The following DCHS2 variants were observed in gnomAD, a reference collection of about 807,000 sequenced individuals.
DCHS2 encodes the protein dachsous cadherin-related 2.
Under a neutral mutation model 182.4 loss-of-function variants are expected in DCHS2, and 142 were observed. That is an observed-to-expected ratio of 0.78 (90% CI 0.68 to 0.89). The LOEUF is 0.89. DCHS2 is among the 40% of genes least tolerant of loss of function. The pLI, the probability that DCHS2 is intolerant of heterozygous loss-of-function variation, is 0.00. For synonymous variants in DCHS2, 1,740 were observed against 1,663.3 expected (o/e 1.05, Z -1.12); for missense variants, 4,319 against 4,198.6 (o/e 1.03, Z -0.79).
At chr4:154,398,243 C>T (rs953803419) in intron 1 of DCHS2, among the ~76,000 whole-genome samples, 3 of 152,176 alleles carry the variant, frequency 2.0e-5, no homozygotes, top group Non-Finnish European at 4.4e-5. Flanking sequence ...TAAATTCTCT[C>T]CATGCCCTTA....
At chr4:154,286,156 A>T (rs1461562545) in intron 13 of DCHS2, among the ~76,000 whole-genome samples, 1 of 151,912 alleles carries the variant, frequency 6.6e-6, no homozygotes, top group African/African-American at 2.4e-5. Context: ...CCTAATGCAG[A>T]TATGACTGCA....
intron 1 of DCHS2, among the ~76,000 whole-genome samples, chr4:154,404,899 G>A (rs1732333484): frequency 1.3e-5 from 2 of 152,162 alleles, no homozygotes; most frequent in Non-Finnish European, 2.9e-5. Flanking sequence ...GCTACATAAT[G>A]TGTTTCCCCT....
At chr4:154,323,138 A>G in intron 7 of DCHS2, 1 of 1,472,014 alleles carries the variant, frequency 6.8e-7, no homozygotes, top group Admixed American at 2.2e-5. Context: ...ATTTTCCATG[A>G]TCTAGATTTG....
intron 3 of DCHS2, among the ~76,000 whole-genome samples, chr4:154,353,692 C>A (rs1203075817): frequency 6.6e-6 from 1 of 152,210 alleles, no homozygotes; most frequent in Non-Finnish European, 1.5e-5. Flanking sequence ...CCTCAGACTT[C>A]TAAGCATTCC....
At chr4:154,403,713 G>C (rs1369918102) in intron 1 of DCHS2, among the ~76,000 whole-genome samples, 3 of 152,152 alleles carry the variant, frequency 2.0e-5, no homozygotes, top group African/African-American at 7.2e-5. Flanking sequence ...TCTGACATTA[G>C]TACCAGTAAA....
At chr4:154,462,793 G>T (rs970910245) in intron 1 of DCHS2, among the ~76,000 whole-genome samples, 4 of 152,062 alleles carry the variant, frequency 2.6e-5, no homozygotes, top group Non-Finnish European at 5.9e-5. Flanking sequence ...AGACATAAAT[G>T]TATAAACCCA....
chr4:154,308,621 A>C (rs1578946501), intron 10 of DCHS2, among the ~76,000 whole-genome samples: 1 of 152,220 alleles, frequency 6.6e-6, no homozygotes, highest in East Asian at 1.9e-4. Flanking sequence ...TAAATCAACG[A>C]GTAATGGAAA....
Position 154,320,646 on chromosome 4 carries a change from G to C in DCHS2, c.4753C>G (p.Leu1585Val), listed in dbSNP as rs539961347. The part of the protein sequence containing the change: ...LDRESIPTVI[L>V]TVTASDQAVN... ...GCCTGATCAGATGCTGTTACTGTCA[G>C]GATGACAGTTGGAATGCTTTCTCTG... The change falls in exon 9 of 20, where the codon CTG becomes GTG. Residue 1585 changes from leucine to valine, a missense_variant. By Grantham distance (32) the Leu-to-Val change is conservative. Coordinates refer to ENST00000357232, the MANE Select transcript of DCHS2 (RefSeq NM_001358235.2). The C allele has an allele frequency of 1.2e-6, 2 of 1,614,148 alleles. No individual in the cohort carries two copies. Among genetic ancestry groups the C allele is most frequent in the South Asian group, 2.2e-5 (2 of 91,074 alleles).
intron 1 of DCHS2, among the ~76,000 whole-genome samples, chr4:154,429,432 G>A (rs1275354882): frequency 6.6e-6 from 1 of 152,046 alleles, no homozygotes; most frequent in Non-Finnish European, 1.5e-5. Context: ...CCTCATTCTT[G>A]GCAGATAGAC....
rs374163830 is a variant in DCHS2, at chr4:154,366,321, C to T, written c.2365G>A (p.Glu789Lys). ...SISDETQPGT[E>K]IINVLATDQD... The stretch of plus-strand genomic sequence containing the variant: ...TCAGTGGCAAGAACATTGATGATCT[C>T]GGTGCCTGGCTGGGTCTCATCACTG... The change falls in exon 3 of 20, where the codon GAG becomes AAG. Residue 789 changes from glutamate to lysine, a missense_variant. Glu to Lys is a moderately conservative substitution (Grantham distance 56). Coordinates refer to ENST00000357232, the MANE Select transcript of DCHS2 (RefSeq NM_001358235.2). 1.1e-5 allele frequency: 18 copies of T among 1,613,706 alleles called. No homozygotes were observed. Among genetic ancestry groups the T allele is most frequent in the South Asian group, 2.2e-5 (2 of 91,062 alleles).
At chr4:154,318,097 GT>G (rs1403368869) in intron 9 of DCHS2, among the ~76,000 whole-genome samples, 1 of 152,012 alleles carries the variant, frequency 6.6e-6, no homozygotes, top group Non-Finnish European at 1.5e-5. Flanking sequence ...GAAGTTTTCT[GT>G]TGTGTATTCA....
In DCHS2 at chr4:154,305,244, A is replaced by G. The variant is rs766246272; in HGVS notation, c.5261-13T>C. Reference sequence around the variant, plus strand: ...TTGGAATTGACTCCTTAAGAAAAATATAAAGAAAAACTTAGCAATCATTTC... The same window carrying G: ...TTGGAATTGACTCCTTAAGAAAAATGTAAAGAAAAACTTAGCAATCATTTC... On this transcript the variant is annotated splice_polypyrimidine_tract_variant and intron_variant, in intron 10 of 19. Transcript: ENST00000357232. The G allele has an allele frequency of 6.3e-7, 1 of 1,597,798 alleles. No individual in the cohort carries two copies. Among genetic ancestry groups the G allele is most frequent in the Non-Finnish European group, 8.5e-7 (1 of 1,174,830 alleles).
At chr4:154,295,926 C>T (rs995266385) in intron 13 of DCHS2, among the ~76,000 whole-genome samples, 1 of 152,194 alleles carries the variant, frequency 6.6e-6, no homozygotes, top group Non-Finnish European at 1.5e-5. Context: ...TTCAAAACAT[C>T]AAGATCTAAT....
chr4:154,413,934 A>T (rs566232307), intron 1 of DCHS2, among the ~76,000 whole-genome samples: 1 of 152,210 alleles, frequency 6.6e-6, no homozygotes, highest in East Asian at 1.9e-4. Context: ...TCTTCTTGAG[A>T]CCCTGGTTAA....
chr4:154,245,370 T>C (rs1241564508), intron 16 of DCHS2, among the ~76,000 whole-genome samples: 1 of 152,108 alleles, frequency 6.6e-6, no homozygotes, highest in Non-Finnish European at 1.5e-5. Flanking sequence ...ATTCAGAGCA[T>C]TTTTTTCCTG....
At chr4:154,352,521 C>G (rs962717284) in intron 3 of DCHS2, 1 of 152,058 alleles carries the variant, frequency 6.6e-6, no homozygotes, top group Non-Finnish European at 1.5e-5. Flanking sequence ...TTCATGGGTC[C>G]CAGGTAATAT....
intron 1 of DCHS2, among the ~76,000 whole-genome samples, chr4:154,408,956 G>T (rs2110887404): frequency 6.6e-6 from 1 of 152,288 alleles, no homozygotes; most frequent in Admixed American, 6.5e-5. Context: ...GGGAGATGAT[G>T]CCTTGGATGC....
At chr4:154,389,901 A>G (rs911642133) in intron 1 of DCHS2, among the ~76,000 whole-genome samples, 2 of 152,062 alleles carry the variant, frequency 1.3e-5, no homozygotes, top group Non-Finnish European at 2.9e-5. Context: ...CTGTTTCAAT[A>G]AGGCCTTGTC....
At chr4:154,365,794 G>A (rs986859451) in intron 3 of DCHS2, among the ~76,000 whole-genome samples, 23 of 151,192 alleles carry the variant, frequency 1.5e-4, no homozygotes, top group South Asian at 1.5e-3. Context: ...GATTACAGGC[G>A]CCCACCACCA....
Sources: gnomAD v4.1 joint callset for allele counts (sites outside exome capture counted in the v4.1 genomes callset) on GRCh38, gnomAD v4.1.1 for gene constraint, MANE v1.5 for transcripts, NCBI Gene and HGNC (gene_info 2026-07-23, HGNC 2026-07-21) for gene names.